The following ZBTB7C variants were observed in gnomAD, a reference collection of about 807,000 sequenced individuals.
ZBTB7C encodes the protein zinc finger and BTB domain-containing protein 7C.
ZBTB7C carries 8 observed loss-of-function variants against 25.7 expected under a neutral mutation model. That is an observed-to-expected ratio of 0.31 (90% confidence interval 0.18 to 0.56). The LOEUF is 0.56. Among genes scored for constraint, ZBTB7C ranks in the 20% least tolerant of loss-of-function variants. The probability of loss-of-function intolerance (pLI) is 0.91; values close to 1 mark genes in which losing one functional copy is unlikely to be tolerated. For synonymous variants in ZBTB7C, 394 were observed against 369.0 expected (o/e 1.07, Z -0.78); for missense variants, 824 against 855.2 (o/e 0.96, Z 0.46).
intron 2 of ZBTB7C, among the ~76,000 whole-genome samples, chr18:48,256,477 CA>C (rs35449001): frequency 0.38 from 50,529 of 131,310 alleles, 9,394 homozygotes; most frequent in Non-Finnish European, 0.47. Flanking sequence ...TACAAAAGCT[CA>C]AAAAAAAAAA....
rs1260581725 is a variant in ZBTB7C at position 48,043,167 on chromosome 18, A to G, written c.-16-2044T>C. Among the ~76,000 whole-genome samples the G allele has an allele frequency of 3.9e-5, 6 of 152,242 alleles. No individual in the cohort carries two copies. In the South Asian group the frequency reaches 1.2e-3, roughly 31 times the overall value. ...ATGTAGAATGGTACAGCTATTCTAG[A>G]AAATGATTTGGCAGATCTTAAAAAA... is the stretch of plus-strand genomic sequence containing the variant. On this transcript the variant is annotated intron_variant, in intron 3 of 4. Transcript: ENST00000590800.
chr18:48,248,791 A>G (rs1363080191), intron 2 of ZBTB7C, among the ~76,000 whole-genome samples: 1 of 152,332 alleles, frequency 6.6e-6, no homozygotes, highest in East Asian at 1.9e-4. Context: ...TCTCTTCTTC[A>G]GAAAAATAAG....
intron 2 of ZBTB7C, among the ~76,000 whole-genome samples, chr18:48,205,973 A>G (rs1447053683): frequency 1.3e-5 from 2 of 152,236 alleles, no homozygotes; most frequent in Non-Finnish European, 2.9e-5. Flanking sequence ...GAAGTCAGGC[A>G]GCAGCCAAAT....
chr18:48,136,247 T>C (rs1410785228), intron 3 of ZBTB7C, among the ~76,000 whole-genome samples: 2 of 152,100 alleles, frequency 1.3e-5, no homozygotes, highest in African/African-American at 4.8e-5. Context: ...TCAGTCCTTT[T>C]GCGCCACCCA....
At chr18:48,032,313 C>T (rs936543520) in intron 4 of ZBTB7C, among the ~76,000 whole-genome samples, 1 of 150,440 alleles carries the variant, frequency 6.6e-6, no homozygotes, top group African/African-American at 2.4e-5. Flanking sequence ...AACGGGCCTT[C>T]ACCATGTTGG....
At chr18:48,307,685 T>C (rs1460103318) in intron 2 of ZBTB7C, among the ~76,000 whole-genome samples, 1 of 152,082 alleles carries the variant, frequency 6.6e-6, no homozygotes, top group Non-Finnish European at 1.5e-5. Context: ...CCGTCTCTAA[T>C]AAAAATACAA....
intron 3 of ZBTB7C, among the ~76,000 whole-genome samples, chr18:48,089,215 T>A (rs1028288153): frequency 3.3e-5 from 5 of 152,096 alleles, no homozygotes; most frequent in Non-Finnish European, 7.4e-5. Flanking sequence ...ACGCCTGTAA[T>A]CCTAGCACTT....
At chr18:48,239,487 C>G (rs1388136202) in intron 2 of ZBTB7C, among the ~76,000 whole-genome samples, 1 of 152,232 alleles carries the variant, frequency 6.6e-6, no homozygotes, top group Non-Finnish European at 1.5e-5. Flanking sequence ...GCTACCTCCA[C>G]TGGAGTAGGT....
At chr18:48,395,026 G>A (rs965942503) in intron 1 of ZBTB7C, among the ~76,000 whole-genome samples, 11 of 152,072 alleles carry the variant, frequency 7.2e-5, no homozygotes, top group Non-Finnish European at 1.2e-4. Context: ...TTAATGTGCT[G>A]TGTGTGTGTG....
rs1055871291 is a variant in ZBTB7C, at chr18:48,253,947, G to T, written c.-78-67952C>A. Among the ~76,000 whole-genome samples the T allele has an allele frequency of 2.0e-5, 3 of 152,090 alleles. No homozygotes were observed. The East Asian group carries it at 5.8e-4, about 29-fold the overall frequency. ...ATAGGTAGGATCTCAAAAATTGCTTGTTTTTTAGATCCTAAATTCCAGCAA... is the reference window on the plus strand; with the variant it reads ...ATAGGTAGGATCTCAAAAATTGCTTTTTTTTTAGATCCTAAATTCCAGCAA... On this transcript the variant is annotated intron_variant, in intron 2 of 4. Transcript: ENST00000590800.
intron 2 of ZBTB7C, among the ~76,000 whole-genome samples, chr18:48,253,599 C>G (rs549080464): frequency 3.7e-4 from 57 of 152,182 alleles, no homozygotes; most frequent in African/African-American, 1.3e-3. Flanking sequence ...CCAGGGAGAT[C>G]AAGGCAGTTA....
At chr18:48,087,114 T>C (rs1444501665) in intron 3 of ZBTB7C, among the ~76,000 whole-genome samples, 1 of 152,228 alleles carries the variant, frequency 6.6e-6, no homozygotes, top group African/African-American at 2.4e-5. Flanking sequence ...AGGTTGAAAC[T>C]GACTTCAAGT....
chr18:48,372,640 T>G (rs1336806706), intron 1 of ZBTB7C, among the ~76,000 whole-genome samples: 1 of 152,146 alleles, frequency 6.6e-6, no homozygotes, highest in African/African-American at 2.4e-5. Context: ...CCCACTGCCC[T>G]CAGGATATGA....
At chr18:48,213,542 G>C (rs983226545) in intron 2 of ZBTB7C, among the ~76,000 whole-genome samples, 1 of 152,190 alleles carries the variant, frequency 6.6e-6, no homozygotes, top group Non-Finnish European at 1.5e-5. Flanking sequence ...TGTGTTATCA[G>C]AATACCTCGC....
intron 3 of ZBTB7C, among the ~76,000 whole-genome samples, chr18:48,101,861 C>G (rs1393062066): frequency 6.6e-6 from 1 of 152,106 alleles, no homozygotes; most frequent in African/African-American, 2.4e-5. Flanking sequence ...CCCACCAGAC[C>G]AGGGTGGCTG....
At chr18:48,268,086 GCAGATACTTT>G (rs2044365899) in intron 2 of ZBTB7C, among the ~76,000 whole-genome samples, 1 of 152,196 alleles carries the variant, frequency 6.6e-6, no homozygotes, top group Non-Finnish European at 1.5e-5. Context: ...ACAATATTTA[GCAGATACTTT>G]CAATAGGCAA....
intron 3 of ZBTB7C, among the ~76,000 whole-genome samples, chr18:48,042,056 C>A (rs112405870): frequency 1.1e-3 from 164 of 152,316 alleles, no homozygotes; most frequent in African/African-American, 3.9e-3. Context: ...CCCTTCCTTT[C>A]AGGAAGCACA....
chr18:48,241,012 C>T (rs12968950), intron 2 of ZBTB7C, among the ~76,000 whole-genome samples: 56,774 of 151,850 alleles, frequency 0.37, 12,872 homozygotes, highest in Non-Finnish European at 0.52. Flanking sequence ...AAAAGATACT[C>T]CATGCAAGTG....
intron 2 of ZBTB7C, among the ~76,000 whole-genome samples, chr18:48,225,127 T>A (rs1041349808): frequency 8.5e-5 from 13 of 152,212 alleles, no homozygotes; most frequent in Non-Finnish European, 2.9e-5. Context: ...CACAGGAGTA[T>A]GCCTGAGCAT....
Sources: gnomAD v4.1 joint callset for allele counts (sites outside exome capture counted in the v4.1 genomes callset) on GRCh38, gnomAD v4.1.1 for gene constraint, MANE v1.5 for transcripts, NCBI Gene and HGNC (gene_info 2026-07-23, HGNC 2026-07-21) for gene names.